Variants in PRKG1 observed in about 807,000 individuals in gnomAD.
PRKG1 encodes protein kinase cGMP-dependent 1.
A neutral mutation model predicts 88.1 loss-of-function variants in PRKG1; 35 were observed. The ratio of observed to expected loss-of-function variants is 0.40; its 90% confidence interval spans 0.30 to 0.53. The LOEUF (loss-of-function observed/expected upper bound fraction) is 0.53, where lower values mean the gene tolerates loss of function less well. Among genes scored for constraint, PRKG1 ranks in the 20% least tolerant of loss-of-function variants. PRKG1 has a pLI of 0.59. For synonymous variants in PRKG1, 303 were observed against 292.5 expected (o/e 1.04, Z -0.37); for missense variants, 540 against 839.8 (o/e 0.64, Z 4.41).
chr10:51,893,039 T>C (rs1368965873), intron 4 of PRKG1, among the ~76,000 whole-genome samples: 2 of 152,134 alleles, frequency 1.3e-5, no homozygotes, highest in Non-Finnish European at 2.9e-5. Context: ...AGAGCAAAGA[T>C]CAGGTGCAGT....
chr10:51,395,167 G>A (rs1258395579), intron 2 of PRKG1, among the ~76,000 whole-genome samples: 1 of 152,016 alleles, frequency 6.6e-6, no homozygotes, highest in Non-Finnish European at 1.5e-5. Context: ...TCCTCTTTTG[G>A]GTTTCTCACA....
At chr10:51,048,100 ATTC>A in intron 1 of PRKG1, among the ~76,000 whole-genome samples, 1 of 152,298 alleles carries the variant, frequency 6.6e-6, no homozygotes, top group Non-Finnish European at 1.5e-5. Context: ...CAGCCCTGCT[ATTC>A]TTTGTCGATT....
In PRKG1 at chr10:51,812,126, A is replaced by G. The variant is rs1410286407; in HGVS notation, c.698+7436A>G. Among the ~76,000 whole-genome samples the G allele has an allele frequency of 3.3e-5, 5 of 152,338 alleles. No individual in the cohort carries two copies. In the East Asian group the frequency reaches 7.7e-4, roughly 23 times the overall value. On this transcript the variant is annotated intron_variant, in intron 4 of 17. Coordinates refer to ENST00000373980, the MANE Select transcript of PRKG1 (RefSeq NM_006258.4). ...ACTAGGCTCAAACACATCTTTATTT[A>G]TCAAAATAGGAACCATTACAATCAA...
chr10:51,168,373 G>C (rs1437166398), intron 2 of PRKG1, among the ~76,000 whole-genome samples: 4 of 151,982 alleles, frequency 2.6e-5, no homozygotes, highest in African/African-American at 9.7e-5. Flanking sequence ...GGCATGCTTT[G>C]TATTAACATT....
intron 2 of PRKG1, among the ~76,000 whole-genome samples, chr10:51,251,641 G>C (rs1179297427): frequency 6.6e-6 from 1 of 151,600 alleles, no homozygotes; most frequent in African/African-American, 2.4e-5. Context: ...AATCTAAAAG[G>C]TATTTTTTAC....
At chr10:51,724,021 C>A (rs939641321) in intron 3 of PRKG1, among the ~76,000 whole-genome samples, 1 of 152,038 alleles carries the variant, frequency 6.6e-6, no homozygotes, top group Non-Finnish European at 1.5e-5. Context: ...AGCATTATTA[C>A]GGGTGTGTCG....
At chr10:51,465,632 T>C (rs1839886087) in intron 2 of PRKG1, among the ~76,000 whole-genome samples, 1 of 152,186 alleles carries the variant, frequency 6.6e-6, no homozygotes, top group Non-Finnish European at 1.5e-5. Context: ...GGTATGATTT[T>C]CTGAGCTTCT....
chr10:51,954,171 C>G (rs951752228), intron 5 of PRKG1, among the ~76,000 whole-genome samples: 7 of 152,052 alleles, frequency 4.6e-5, no homozygotes, highest in African/African-American at 1.7e-4. Flanking sequence ...TCAAAGCAGT[C>G]TCCAAATTTT....
rs150714960 is a variant in PRKG1, at chr10:51,361,440, G to C, written c.479-106283G>C. On this transcript the variant is annotated intron_variant, in intron 2 of 17. Coordinates refer to ENST00000373980, the MANE Select transcript of PRKG1 (RefSeq NM_006258.4). ...AGAAAACCCTATCCAACTTAAATTA[G>C]TAAAATATTGGCTGAGAATTGCTCC... Among the ~76,000 whole-genome samples, 256 of 152,014 alleles carry C rather than the reference G, an allele frequency of 1.7e-3. 1 individual carries two copies. The highest frequency in any genetic ancestry group is 6.8e-3 in the Middle Eastern group (2 of 294).
chr10:52,251,469 G>A, intron 9 of PRKG1, 101 bp from the exon 10 acceptor site: 2 of 910,264 alleles, frequency 2.2e-6, no homozygotes, highest in Non-Finnish European at 3.5e-6. Context: ...ATGTAAGCAG[G>A]TAAACCCTGT....
intron 4 of PRKG1, among the ~76,000 whole-genome samples, chr10:51,883,848 T>C (rs946078089): frequency 2.0e-5 from 3 of 152,136 alleles, no homozygotes; most frequent in Non-Finnish European, 4.4e-5. Context: ...CTTCCTATTA[T>C]TATCCCATGT....
intron 3 of PRKG1, among the ~76,000 whole-genome samples, chr10:51,518,275 G>A (rs1241045087): frequency 1.3e-5 from 2 of 152,170 alleles, no homozygotes; most frequent in Non-Finnish European, 2.9e-5. Context: ...TGGGATTACA[G>A]GTGTGAGCCA....
At chr10:52,210,353 C>T (rs569267872) in intron 9 of PRKG1, among the ~76,000 whole-genome samples, 13 of 151,720 alleles carry the variant, frequency 8.6e-5, no homozygotes, top group Non-Finnish European at 1.6e-4. Context: ...TCTCCAGGAC[C>T]GTCACAGCTG....
rs567512157 is a variant in PRKG1, at chr10:51,521,154, G to A, written c.592+53318G>A. On this transcript the variant is annotated intron_variant, in intron 3 of 17. Coordinates refer to ENST00000373980, the MANE Select transcript of PRKG1 (RefSeq NM_006258.4). Reference sequence around the variant, plus strand: ...ATACAAAAATTAGCTGAGAGTGGTGGCATGTGCCTGTAGTCCCAGCTACTC... The same window carrying A: ...ATACAAAAATTAGCTGAGAGTGGTGACATGTGCCTGTAGTCCCAGCTACTC... 4.1e-4 allele frequency among the ~76,000 whole-genome samples: 63 copies of A among 152,276 alleles called. No homozygotes were observed. In the South Asian group the frequency reaches 4.6e-3, roughly 11 times the overall value.
intron 1 of PRKG1, among the ~76,000 whole-genome samples, chr10:51,122,801 G>A (rs556550958): frequency 6.6e-6 from 1 of 152,244 alleles, no homozygotes; most frequent in South Asian, 2.1e-4. Flanking sequence ...ACTTCAGATC[G>A]TGTCACTGTG....
chr10:51,430,843 A>G (rs1838745504), intron 2 of PRKG1, among the ~76,000 whole-genome samples: 1 of 152,196 alleles, frequency 6.6e-6, no homozygotes, highest in Non-Finnish European at 1.5e-5. Context: ...GATGAAAAAG[A>G]TTACATATTA....
At chr10:51,777,304 A>G (rs1838465419) in intron 3 of PRKG1, among the ~76,000 whole-genome samples, 1 of 152,132 alleles carries the variant, frequency 6.6e-6, no homozygotes, top group Non-Finnish European at 1.5e-5. Context: ...ATTGGTTATA[A>G]AAAGTAACAC....
At chr10:51,760,713 C>G (rs1179581835) in intron 3 of PRKG1, among the ~76,000 whole-genome samples, 1 of 152,002 alleles carries the variant, frequency 6.6e-6, no homozygotes, top group African/African-American at 2.4e-5. Context: ...CTCAGGTGAT[C>G]TGTCTGCCTC....
chr10:51,197,204 G>A lies in PRKG1; in HGVS notation c.478+43874G>A, dbSNP rs188528186. 1.1e-3 allele frequency among the ~76,000 whole-genome samples: 165 copies of A among 152,202 alleles called. 1 individual carries two copies. In the Middle Eastern group the frequency reaches 0.014, roughly 13 times the overall value. ...GACAGATTTCAAAAAAGCAATAAAG[G>A]AAGGTTTCAAAAAGGAAATAAAATA... On this transcript the variant is annotated intron_variant, in intron 2 of 17. Transcript: ENST00000373980.
Sources: allele counts gnomAD v4.1 joint callset (sites outside exome capture counted in the v4.1 genomes callset), GRCh38; gene constraint gnomAD v4.1.1; transcripts MANE v1.5; gene names NCBI Gene and HGNC (gene_info 2026-07-23, HGNC 2026-07-21).